Variants in FAM193B observed in about 807,000 individuals in gnomAD.
FAM193B encodes protein FAM193B.
FAM193B carries 27 observed loss-of-function variants against 70.7 expected under a neutral mutation model. That is an observed-to-expected ratio of 0.38 (90% CI 0.28 to 0.53). The LOEUF (loss-of-function observed/expected upper bound fraction) is 0.53. Among genes scored for constraint, FAM193B ranks in the 20% least tolerant of loss-of-function variants. FAM193B has a pLI of 0.81. For missense variants in FAM193B, 1,022 were observed against 1,072.5 expected (o/e 0.95, Z 0.66); for synonymous variants, 448 against 436.0 (o/e 1.03, Z -0.34).
Position 177,537,872 on chromosome 5 carries a change from C to T in FAM193B, c.688+1G>A. ...GCTCTCTCCCGAGCCTGGAGACTCA[C>T]CGGGGATGGTAGGAGGACTCCCAAG... On this transcript the variant is annotated splice_donor_variant, in intron 3 of 8. Coordinates refer to ENST00000514747, the MANE Select transcript of FAM193B (RefSeq NM_001190946.3). LOFTEE classifies it high-confidence loss of function. The T allele has an allele frequency of 6.2e-7, 1 of 1,607,008 alleles. No individual in the cohort carries two copies. The highest frequency in any genetic ancestry group is 8.5e-7 in the Non-Finnish European group (1 of 1,175,856).
chr5:177,527,790 T>G (rs388783), intron 5 of FAM193B, among the ~76,000 whole-genome samples: 149,972 of 152,338 alleles, frequency 0.98, 73,870 homozygotes, highest in East Asian at 1. Flanking sequence ...GGGCGCCCAG[T>G]GCTCCGGCTC....
chr5:177,521,909 A>G lies in FAM193B; in HGVS notation c.*1+65T>C, dbSNP rs931292627. On this transcript the variant is annotated intron_variant, in intron 8 of 8. Coordinates refer to ENST00000514747, the MANE Select transcript of FAM193B (RefSeq NM_001190946.3). ...CCCCAGAGCACAGAATGGTCTGGTGAGCGTACAGAGAGGGTGGCCAAGCAC... is the reference window on the plus strand; with the variant it reads ...CCCCAGAGCACAGAATGGTCTGGTGGGCGTACAGAGAGGGTGGCCAAGCAC... 4.8e-6 allele frequency: 6 copies of G among 1,257,558 alleles called. No individual in the cohort carries two copies. The African/African-American group carries it at 7.3e-5, about 15-fold the overall frequency. 77.9% of individuals were successfully genotyped at this position (1,257,558 alleles called of 1,614,324 possible).
At position 177,538,707 on chromosome 5, in the gene FAM193B, C is replaced by G. The variant is rs987189865; in HGVS notation, c.453+198G>C. ...GCACAGACCACCCTGAGGGACTGAC[C>G]GGTGGGCTGCCAGAAGTTTCTCTTC... On this transcript the variant is annotated intron_variant, in intron 2 of 8. Coordinates refer to ENST00000514747, the MANE Select transcript of FAM193B (RefSeq NM_001190946.3). The surrounding 1 kb of genome is among the most constrained non-coding windows in gnomAD (Gnocchi z 4.1). Among the ~76,000 whole-genome samples the G allele has an allele frequency of 6.6e-6, 1 of 152,188 alleles. No individual in the cohort carries two copies. Among genetic ancestry groups the G allele is most frequent in the Non-Finnish European group, 1.5e-5 (1 of 68,032 alleles).
intron 1 of FAM193B, among the ~76,000 whole-genome samples, chr5:177,542,776 C>T (rs1467564266): frequency 3.9e-5 from 6 of 152,202 alleles, no homozygotes. Context: ...GTACACTGTG[C>T]CTTGGTTACA....
chr5:177,553,451 C>T (rs1210818229), intron 1 of FAM193B: 11 of 1,102,282 alleles, frequency 1.0e-5, no homozygotes, highest in Non-Finnish European at 1.0e-5. Context: ...CCAGAGCAAC[C>T]GTGGCCCATG....
chr5:177,545,695 A>G (rs1765348728), intron 1 of FAM193B, among the ~76,000 whole-genome samples: 1 of 150,506 alleles, frequency 6.6e-6, no homozygotes, highest in Non-Finnish European at 1.5e-5. Flanking sequence ...CTCTGGGGGC[A>G]TGACTCAATT....
intron 5 of FAM193B, among the ~76,000 whole-genome samples, chr5:177,526,565 G>A (rs1762634225): frequency 6.6e-6 from 1 of 152,172 alleles, no homozygotes; most frequent in Non-Finnish European, 1.5e-5. Flanking sequence ...TGCTGGTGTG[G>A]AGGGAATGAT....
At chr5:177,520,647 A>T (rs1386790595) in intron 8 of FAM193B, among the ~76,000 whole-genome samples, 2 of 152,206 alleles carry the variant, frequency 1.3e-5, no homozygotes, top group Non-Finnish European at 2.9e-5. Context: ...GTTGCATTTG[A>T]TTTCTTGAAT....
chr5:177,523,892 A>G, intron 7 of FAM193B, 65 bp downstream of exon 7: 1 of 1,573,822 alleles, frequency 6.4e-7, no homozygotes, highest in Non-Finnish European at 8.7e-7. Context: ...GGCACAACAC[A>G]GGGCTTGAGT....
At chr5:177,534,109 C>T (rs1357276187) in intron 4 of FAM193B, among the ~76,000 whole-genome samples, 1 of 152,252 alleles carries the variant, frequency 6.6e-6, no homozygotes, top group South Asian at 2.1e-4. Context: ...AAGGACGGAG[C>T]TCAAGGAGCT....
chr5:177,541,425 T>C (rs1764837937), intron 1 of FAM193B, among the ~76,000 whole-genome samples: 1 of 152,224 alleles, frequency 6.6e-6, no homozygotes, highest in African/African-American at 2.4e-5. Flanking sequence ...ATTCTTTTTT[T>C]TTTCTTCTTT....
At chr5:177,554,052 G>A in intron 1 of FAM193B, 197 bp downstream of exon 1, 1 of 1,350,936 alleles carries the variant, frequency 7.4e-7, no homozygotes, top group Non-Finnish European at 9.5e-7. Context: ...CAGGAGCGCG[G>A]ACCGAGCCTC....
Position 177,536,534 on chromosome 5 carries a change from G to C in FAM193B, c.900C>G (p.Ala300=). The stretch of plus-strand genomic sequence containing the variant: ...TCTGACATGGCCCTGGAGTGTGGGG[G>C]GCAGTGGCAGCAGCAACAGGGCACT... ...ASECPVAAAT[A]PHTPGPCQSS... is the part of the protein sequence containing the mutation. The change falls in exon 4 of 9, where the codon GCC becomes GCG. Residue 300 remains alanine, a synonymous_variant. Coordinates refer to ENST00000514747, the MANE Select transcript of FAM193B (RefSeq NM_001190946.3). 1 of 1,540,676 alleles carries C rather than the reference G, an allele frequency of 6.5e-7. No homozygotes were observed.
Position 177,538,189 on chromosome 5 carries a change from G to A in FAM193B, c.454-82C>T. On this transcript the variant is annotated intron_variant, in intron 2 of 8. Coordinates refer to ENST00000514747, the MANE Select transcript of FAM193B (RefSeq NM_001190946.3). The surrounding 1 kb of genome is among the most constrained non-coding windows in gnomAD (Gnocchi z 4.1). The stretch of plus-strand genomic sequence containing the variant: ...CTCTGCTGCCTCAGCTTTTCCTGAG[G>A]GAGCTCCTTCTCCTCCAGACCATGT... The A allele has an allele frequency of 1.4e-6, 2 of 1,404,688 alleles. No homozygotes were observed. The highest frequency in any genetic ancestry group is 1.5e-5 in the South Asian group (1 of 66,962). The allele number at this position is 1,404,688 out of a possible 1,614,324, so 87.0% of individuals were successfully genotyped here.
rs776526631 is a variant in FAM193B at position 177,524,930 on chromosome 5, G to A, written c.1551C>T (p.Pro517=). The change falls in exon 6 of 9, where the codon CCC becomes CCT. Residue 517 remains proline, a synonymous_variant. Coordinates refer to ENST00000514747, the MANE Select transcript of FAM193B (RefSeq NM_001190946.3). ...GCTCTGAGGAGCCACTGAGGTTTGA[G>A]GGGGGTAGACTCTGAGGCTCAGGCT... ...AAEPEPQSLP[P]SNLSGSSEQQ... 2.0e-6 allele frequency: 3 copies of A among 1,506,724 alleles called. No individual in the cohort carries two copies. Among genetic ancestry groups the A allele is most frequent in the Non-Finnish European group, 2.7e-6 (3 of 1,129,438 alleles). The allele number at this position is 1,506,724 out of a possible 1,614,324, so 93.3% of individuals were successfully genotyped here. A position where few individuals can be genotyped will look rare whatever the true frequency, so the allele number is the denominator to read the frequency against.
At chr5:177,542,649 C>T (rs1022037399) in intron 1 of FAM193B, among the ~76,000 whole-genome samples, 2 of 152,120 alleles carry the variant, frequency 1.3e-5, no homozygotes, top group Non-Finnish European at 2.9e-5. Context: ...TTGCTTAAAA[C>T]CCACTTTCTT....
In FAM193B at chr5:177,536,715, T is replaced by G. The variant is rs1211463559; in HGVS notation, c.719A>C (p.Gln240Pro). ...GEAFPVSEHH[Q>P]HSDLTAPPNS... ...AGGGGGAGCAGTGAGGTCTGAGTGC[T>G]GGTGGTGCTCCGAGACGGGGAAAGC... The change falls in exon 4 of 9, where the codon CAG (glutamine) becomes CCG (proline). Residue 240 changes from glutamine (Q) to proline (P), a missense_variant. Gln to Pro is a moderately conservative substitution (Grantham distance 76). Coordinates refer to ENST00000514747, the MANE Select transcript of FAM193B (RefSeq NM_001190946.3). 1 of 1,560,260 alleles carries G rather than the reference T, an allele frequency of 6.4e-7. No homozygotes were observed. The highest frequency in any genetic ancestry group is 2.4e-5 in the East Asian group (1 of 41,834).
At chr5:177,541,655 G>A (rs1213902742) in intron 1 of FAM193B, among the ~76,000 whole-genome samples, 5 of 152,120 alleles carry the variant, frequency 3.3e-5, no homozygotes, top group East Asian at 1.9e-4. Flanking sequence ...TCCTGACCTC[G>A]TGATCCGCCC....
chr5:177,543,857 C>G (rs1405864827), intron 1 of FAM193B, among the ~76,000 whole-genome samples: 1 of 152,246 alleles, frequency 6.6e-6, no homozygotes, highest in Non-Finnish European at 1.5e-5. Context: ...GCACCTGGCA[C>G]AGTATTCCTA....
Sources: allele counts gnomAD v4.1 joint callset (sites outside exome capture counted in the v4.1 genomes callset), GRCh38; gene constraint gnomAD v4.1.1; non-coding constraint Gnocchi (gnomAD v3.1); transcripts MANE v1.5; gene names NCBI Gene and HGNC (gene_info 2026-07-23, HGNC 2026-07-21).